The following EFCAB11 variants were observed in gnomAD, a reference collection of about 807,000 sequenced individuals.
EFCAB11 encodes EF-hand calcium binding domain 11, also known as EF-hand calcium-binding domain-containing protein 11.
Under a neutral mutation model 23.0 loss-of-function variants are expected in EFCAB11, and 14 were observed. That is an observed-to-expected ratio of 0.61 (90% CI 0.40 to 0.95). The LOEUF (loss-of-function observed/expected upper bound fraction) is 0.95, where lower values mean the gene tolerates loss of function less well. EFCAB11 is among the 40% of genes least tolerant of loss of function. EFCAB11 has a pLI of 0.00. For synonymous variants in EFCAB11, 65 were observed against 66.6 expected, an observed-to-expected ratio of 0.98 and a Z score of 0.11; for missense variants, 198 against 195.8, an observed-to-expected ratio of 1.01 and a Z score of -0.07.
At chr14:89,954,150 C>G in intron 1 of EFCAB11, 149 bp from the exon 2 acceptor site, 1 of 920,142 alleles carries the variant, frequency 1.1e-6, no homozygotes, top group Non-Finnish European at 1.6e-6. Flanking sequence ...TATTAATTCT[C>G]AAGAAATCTT....
At chr14:89,951,193 T>C (rs1015588614) in intron 2 of EFCAB11, among the ~76,000 whole-genome samples, 9 of 152,220 alleles carry the variant, frequency 5.9e-5, no homozygotes, top group African/African-American at 1.9e-4. Context: ...AAACTCAATG[T>C]GTTCCAATCG....
intron 5 of EFCAB11, among the ~76,000 whole-genome samples, chr14:89,915,918 G>C (rs949671395): frequency 6.6e-6 from 1 of 152,152 alleles, no homozygotes; most frequent in African/African-American, 2.4e-5. Context: ...TTCCCACCAA[G>C]ATTCCTGTCT....
chr14:89,934,990 C>T (rs1890529153), intron 3 of EFCAB11, among the ~76,000 whole-genome samples: 2 of 152,210 alleles, frequency 1.3e-5, no homozygotes, highest in East Asian at 1.9e-4. Context: ...GCACTCCACA[C>T]CTTTGCATGT....
chr14:89,834,555 G>A (rs1887009390), intron 5 of EFCAB11, among the ~76,000 whole-genome samples: 1 of 152,304 alleles, frequency 6.6e-6, no homozygotes, highest in Non-Finnish European at 1.5e-5. Flanking sequence ...GCAGAACTCT[G>A]CGGAAGACAT....
chr14:89,900,783 T>C lies in EFCAB11; in HGVS notation c.410+30758A>G, dbSNP rs576120079. Among the ~76,000 whole-genome samples the C allele has an allele frequency of 1.8e-4, 27 of 152,376 alleles. No individual in the cohort carries two copies. The South Asian group carries it at 4.1e-3, about 23-fold the overall frequency. ...TATCAGCAAATCACAGAAAGACTTCTAGAGCTTACCTTTGCCAACATGAAA... is the reference window on the plus strand; with the variant it reads ...TATCAGCAAATCACAGAAAGACTTCCAGAGCTTACCTTTGCCAACATGAAA... On this transcript the variant is annotated intron_variant, in intron 5 of 5. Transcript: ENST00000316738.
chr14:89,844,144 T>C (rs1380673067), intron 5 of EFCAB11, among the ~76,000 whole-genome samples: 2 of 152,226 alleles, frequency 1.3e-5, no homozygotes, highest in African/African-American at 2.4e-5. Flanking sequence ...GAAATCCTTT[T>C]CCTGGAGACA....
At chr14:89,952,232 T>G (rs1485458186) in intron 2 of EFCAB11, among the ~76,000 whole-genome samples, 1 of 152,162 alleles carries the variant, frequency 6.6e-6, no homozygotes, top group Non-Finnish European at 1.5e-5. Flanking sequence ...AAAAATAAAA[T>G]AGAAAACCTC....
intron 5 of EFCAB11, among the ~76,000 whole-genome samples, chr14:89,917,975 C>G (rs1889903334): frequency 6.6e-6 from 1 of 152,090 alleles, no homozygotes; most frequent in Admixed American, 6.5e-5. Flanking sequence ...GAATCGAGGA[C>G]TGGCTCTCCA....
intron 5 of EFCAB11, among the ~76,000 whole-genome samples, chr14:89,797,893 A>C (rs1885629613): frequency 6.6e-6 from 1 of 152,172 alleles, no homozygotes; most frequent in Admixed American, 6.5e-5. Flanking sequence ...AGATCACGCC[A>C]CTGCACTCCA....
intron 5 of EFCAB11, among the ~76,000 whole-genome samples, chr14:89,816,131 T>A (rs909610564): frequency 6.6e-6 from 1 of 152,138 alleles, no homozygotes; most frequent in Non-Finnish European, 1.5e-5. Flanking sequence ...AGGTATTTTA[T>A]ATTTTTTTTG....
intron 3 of EFCAB11, chr14:89,938,097 A>G (rs1326720145): frequency 6.6e-6 from 1 of 152,148 alleles, no homozygotes; most frequent in Admixed American, 6.5e-5. Flanking sequence ...CACACAGAGA[A>G]ATCCTCTTGA....
chr14:89,868,000 G>A (rs1888151018), intron 5 of EFCAB11, among the ~76,000 whole-genome samples: 1 of 152,218 alleles, frequency 6.6e-6, no homozygotes, highest in African/African-American at 2.4e-5. Context: ...GATGCCTCAT[G>A]GGCGAACCTG....
At chr14:89,932,444 T>G in intron 4 of EFCAB11, 82 bp downstream of exon 4, 1 of 1,020,272 alleles carries the variant, frequency 9.8e-7, no homozygotes, top group Non-Finnish European at 1.5e-6. Flanking sequence ...ATATTATATA[T>G]TTGATTTACT....
At chr14:89,912,878 C>G (rs966865083) in intron 5 of EFCAB11, among the ~76,000 whole-genome samples, 1 of 152,222 alleles carries the variant, frequency 6.6e-6, no homozygotes, top group Non-Finnish European at 1.5e-5. Context: ...TCACTCTGCT[C>G]TGCAGTACAC....
intron 5 of EFCAB11, among the ~76,000 whole-genome samples, chr14:89,874,570 T>A (rs192381043): frequency 6.6e-6 from 1 of 152,264 alleles, no homozygotes; most frequent in Admixed American, 6.5e-5. Context: ...CCAAACCACA[T>A]CTTTGTGAAT....
At chr14:89,922,439 T>C (rs1890049422) in intron 5 of EFCAB11, among the ~76,000 whole-genome samples, 1 of 152,190 alleles carries the variant, frequency 6.6e-6, no homozygotes. Flanking sequence ...TGCCAGATTG[T>C]ATAACACAAC....
At chr14:89,872,002 T>C (rs866881577) in intron 5 of EFCAB11, among the ~76,000 whole-genome samples, 4 of 152,220 alleles carry the variant, frequency 2.6e-5, no homozygotes, top group African/African-American at 4.8e-5. Flanking sequence ...TGATTACATA[T>C]GGAGAGATGG....
At chr14:89,945,725 T>C (rs1890954919) in intron 3 of EFCAB11, among the ~76,000 whole-genome samples, 1 of 152,144 alleles carries the variant, frequency 6.6e-6, no homozygotes, top group Non-Finnish European at 1.5e-5. Context: ...ATTCTATAGA[T>C]TACAATTAGG....
intron 5 of EFCAB11, among the ~76,000 whole-genome samples, chr14:89,925,201 C>A (rs1890150996): frequency 6.6e-6 from 1 of 152,114 alleles, no homozygotes; most frequent in Non-Finnish European, 1.5e-5. Flanking sequence ...ATCACATAAT[C>A]AAAGGAACAA....
Sources: gnomAD v4.1 joint callset for allele counts (sites outside exome capture counted in the v4.1 genomes callset) on GRCh38, gnomAD v4.1.1 for gene constraint, MANE v1.5 for transcripts, NCBI Gene and HGNC (gene_info 2026-07-23, HGNC 2026-07-21) for gene names.